The following SLAMF9 variants were observed in gnomAD, a reference collection of about 807,000 sequenced individuals.
The protein encoded by SLAMF9 is SLAM family member 9, also known as CD2 family member 10.
Under a neutral mutation model 30.4 loss-of-function variants are expected in SLAMF9, and 25 were observed. The observed-to-expected ratio is 0.82, with a 90% CI of 0.60 to 1.15. The LOEUF is 1.15. SLAMF9 is among the 50% of genes most tolerant of loss of function. The pLI, the probability that SLAMF9 is intolerant of heterozygous loss-of-function variation, is 0.00. For missense variants in SLAMF9, 344 were observed against 346.1 expected, an observed-to-expected ratio of 0.99 and a Z score of 0.05; for synonymous variants, 129 against 127.2, an observed-to-expected ratio of 1.01 and a Z score of -0.09.
the SLAMF9 span, among the ~76,000 whole-genome samples, chr1:159,973,633 T>G: frequency 3.2e-4 from 48 of 152,008 alleles, no homozygotes; most frequent in African/African-American, 9.4e-4. Flanking sequence ...GGTGGGGAGA[T>G]GGGGGTATTG....
the SLAMF9 span, among the ~76,000 whole-genome samples, chr1:159,979,445 C>T: frequency 6.6e-6 from 1 of 152,150 alleles, no homozygotes; most frequent in African/African-American, 2.4e-5. Flanking sequence ...ATGTAAATCT[C>T]CTTGGGTAAG....
chr1:159,958,919 T>C (rs1447466928), upstream of SLAMF9, among the ~76,000 whole-genome samples: 1 of 152,214 alleles, frequency 6.6e-6, no homozygotes, highest in East Asian at 1.9e-4. Flanking sequence ...AGTACTGGTC[T>C]CGGTTTAGAA....
chr1:159,974,191 C>T, the SLAMF9 span: 10,737 of 675,864 alleles, frequency 0.016, 134 homozygotes, highest in South Asian at 0.033. Context: ...TGCAGTGTCA[C>T]TGTCTCCAGT....
At chr1:159,962,297 C>T in the SLAMF9 span, among the ~76,000 whole-genome samples, 6 of 151,804 alleles carry the variant, frequency 4.0e-5, no homozygotes, top group African/African-American at 1.2e-4. Flanking sequence ...GGACTGCAGG[C>T]GGCTCACTGG....
chr1:159,961,885 G>A, the SLAMF9 span, among the ~76,000 whole-genome samples: 3 of 152,120 alleles, frequency 2.0e-5, no homozygotes, highest in East Asian at 1.9e-4. Flanking sequence ...TTGGCCGGGC[G>A]TGGCGGCTCA....
upstream of SLAMF9, chr1:159,954,244 C>T (rs908663491): frequency 1.4e-5 from 18 of 1,330,306 alleles, no homozygotes; most frequent in African/African-American, 4.4e-5. Flanking sequence ...GACTGATGGT[C>T]CTGAGAAAAG....
At chr1:159,955,095 A>G (rs559168594), upstream of SLAMF9, among the ~76,000 whole-genome samples, 254 of 152,054 alleles carry the variant, frequency 1.7e-3, 2 homozygotes, top group Admixed American at 4.5e-3. Context: ...AAAAAAAAAA[A>G]AGAGAGAAGA....
rs1359713149 is a variant in SLAMF9, at chr1:159,953,223, C to G, written c.391+86G>C. 25 of 1,149,174 alleles carry G rather than the reference C, an allele frequency of 2.2e-5. 1 individual carries two copies. The highest frequency in any genetic ancestry group is 3.1e-5 in the Non-Finnish European group (25 of 794,902). 71.2% of individuals were successfully genotyped at this position (1,149,174 alleles called of 1,614,324 possible). ...CAGTTCTAGCCCCTCAAACCATAACCCCAAGTCCTGAGACGCCCACTCCAT... is the reference window on the plus strand; with the variant it reads ...CAGTTCTAGCCCCTCAAACCATAACGCCAAGTCCTGAGACGCCCACTCCAT... On this transcript the variant is annotated intron_variant, in intron 2 of 3. Coordinates refer to ENST00000368093, the MANE Select transcript of SLAMF9 (RefSeq NM_033438.4).
At chr1:159,952,600 C>T in intron 2 of SLAMF9, 66 bp from the exon 3 acceptor site, 1 of 1,557,206 alleles carries the variant, frequency 6.4e-7, no homozygotes, top group Non-Finnish European at 8.7e-7. Flanking sequence ...TCCTAAGCTC[C>T]TCAAACCTGG....
At chr1:159,970,075 G>A in the SLAMF9 span, among the ~76,000 whole-genome samples, 1 of 151,956 alleles carries the variant, frequency 6.6e-6, no homozygotes, top group South Asian at 2.1e-4. Context: ...TAAATAAATA[G>A]ATAAATAAAT....
the SLAMF9 span, chr1:159,977,262 T>C: frequency 6.6e-6 from 1 of 152,210 alleles, no homozygotes; most frequent in Non-Finnish European, 1.5e-5. Flanking sequence ...TTAAGTTTCC[T>C]TTTTGCTTTC....
chr1:159,970,894 T>C, the SLAMF9 span, among the ~76,000 whole-genome samples: 1 of 152,170 alleles, frequency 6.6e-6, no homozygotes, highest in Non-Finnish European at 1.5e-5. Context: ...GAAGGACACA[T>C]ATTAAAATCA....
chr1:159,977,629 G>A, the SLAMF9 span, among the ~76,000 whole-genome samples: 3 of 152,340 alleles, frequency 2.0e-5, no homozygotes, highest in South Asian at 6.2e-4. Context: ...AAGAAAAGCG[G>A]AACGTGACCA....
chr1:159,954,129 G>A lies in SLAMF9; in HGVS notation c.9C>T (p.Ala3=), dbSNP rs748162457. The part of the protein sequence containing the change: MC[A]FPWLLLLLLL... ...GCAGGAGAAGAAGCAGCCAAGGAAA[G>A]GCACACATGTCAGCAGCCCCCAGCC... The change falls in exon 1 of 4, where the codon GCC becomes GCT. Residue 3 remains alanine (A), a synonymous_variant. Transcript: ENST00000368093. 30 of 1,614,002 alleles carry A rather than the reference G, an allele frequency of 1.9e-5. No individual in the cohort carries two copies. Among genetic ancestry groups the A allele is most frequent in the Non-Finnish European group, 2.3e-5 (27 of 1,180,010 alleles).
At chr1:159,953,100 CCT>C (rs1651815888) in intron 2 of SLAMF9, among the ~76,000 whole-genome samples, 1 of 152,184 alleles carries the variant, frequency 6.6e-6, no homozygotes, top group Admixed American at 6.5e-5. Flanking sequence ...CGGACAGCCT[CCT>C]TGCTCCAGGT....
chr1:159,958,269 A>G (rs2789426), upstream of SLAMF9, among the ~76,000 whole-genome samples: 135,544 of 152,258 alleles, frequency 0.89, 60,434 homozygotes, highest in East Asian at 0.99. Context: ...AGGCTGCTAC[A>G]GTGAGTATGC....
At chr1:159,958,962 A>C (rs1317675683), upstream of SLAMF9, among the ~76,000 whole-genome samples, 1 of 152,204 alleles carries the variant, frequency 6.6e-6, no homozygotes, top group Non-Finnish European at 1.5e-5. Context: ...AATATTCAAA[A>C]TTCCAAACTT....
the SLAMF9 span, among the ~76,000 whole-genome samples, chr1:159,970,334 CAA>C: frequency 2.6e-5 from 4 of 152,132 alleles, no homozygotes; most frequent in African/African-American, 9.7e-5. Flanking sequence ...TGGCCTGTGT[CAA>C]AGAGTGTTAT....
At position 159,952,428 on chromosome 1, in the gene SLAMF9, GGTCATAT is replaced by G. The variant is rs777469034; in HGVS notation, c.491_497del (p.Asp164AlafsTer83). ...TATCCCCCCGGGAGAGCCAGCTGTA[GGTCATAT>G]CCATGCCTGCCTTCTCCACAGAGCA... On this transcript the variant is annotated frameshift_variant, in exon 3 of 4. Transcript: ENST00000368093. LOFTEE classifies it high-confidence loss of function. The G allele has an allele frequency of 3.1e-6, 5 of 1,614,088 alleles. No homozygotes were observed. The highest frequency in any genetic ancestry group is 4.2e-6 in the Non-Finnish European group (5 of 1,179,994).
Sources: gnomAD v4.1 joint callset for allele counts (sites outside exome capture counted in the v4.1 genomes callset) on GRCh38, gnomAD v4.1.1 for gene constraint, MANE v1.5 for transcripts, NCBI Gene and HGNC (gene_info 2026-07-23, HGNC 2026-07-21) for gene names.